Variants in GRM8 observed in about 807,000 individuals in gnomAD.
GRM8 encodes glutamate metabotropic receptor 8, also known as metabotropic glutamate receptor 8.
In GRM8, 47 loss-of-function variants were observed where a neutral mutation model predicts 87.2. That is an observed-to-expected ratio of 0.54 (90% CI 0.43 to 0.69). GRM8 has a LOEUF of 0.69. GRM8 is among the 30% of genes least tolerant of loss of function. The probability of loss-of-function intolerance (pLI) is 0.00; values close to 1 mark genes in which losing one functional copy is unlikely to be tolerated. For missense variants in GRM8, 1,019 were observed against 1,139.2 expected (o/e 0.89, Z 1.52); for synonymous variants, 396 against 404.5 (o/e 0.98, Z 0.25).
intron 8 of GRM8, among the ~76,000 whole-genome samples, chr7:126,542,168 C>T (rs1816613157): frequency 6.6e-6 from 1 of 152,152 alleles, no homozygotes; most frequent in Non-Finnish European, 1.5e-5. Flanking sequence ...AAATAAATTT[C>T]TGTTATTTAA....
chr7:126,861,878 C>A (rs1357583197), intron 6 of GRM8, among the ~76,000 whole-genome samples: 1 of 151,676 alleles, frequency 6.6e-6, no homozygotes, highest in African/African-American at 2.4e-5. Context: ...CTGTAACTGG[C>A]CTTTTAGCTT....
In GRM8 at chr7:127,140,711, A is replaced by G. The variant is rs996238241; in HGVS notation, c.511-33999T>C. Among the ~76,000 whole-genome samples the G allele has an allele frequency of 3.4e-4, 52 of 152,084 alleles. 1 individual carries two copies. The highest frequency in any genetic ancestry group is 1.2e-3 in the African/African-American group (51 of 41,374). On this transcript the variant is annotated intron_variant, in intron 2 of 10. Transcript: ENST00000339582. Reference sequence around the variant, plus strand: ...GGGTCACCTCCAATTTTGTCTCTCAAGAACTGATCTTGATTTGGCAAGGAG... The same window carrying G: ...GGGTCACCTCCAATTTTGTCTCTCAGGAACTGATCTTGATTTGGCAAGGAG...
At chr7:126,866,880 G>A (rs996184353) in intron 6 of GRM8, among the ~76,000 whole-genome samples, 59 of 152,036 alleles carry the variant, frequency 3.9e-4, no homozygotes, top group African/African-American at 9.6e-5. Context: ...GTGAGCTACC[G>A]CGCCCTGCCT....
intron 2 of GRM8, among the ~76,000 whole-genome samples, chr7:127,108,443 G>C (rs1446578740): frequency 1.3e-5 from 2 of 152,106 alleles, no homozygotes; most frequent in East Asian, 3.8e-4. Flanking sequence ...TGCGAGTAGG[G>C]GTTGTGTGGG....
At chr7:126,948,158 A>C (rs1202691154) in intron 3 of GRM8, among the ~76,000 whole-genome samples, 1 of 152,154 alleles carries the variant, frequency 6.6e-6, no homozygotes, top group Non-Finnish European at 1.5e-5. Flanking sequence ...AAAAAATAAG[A>C]GAAACACTAT....
At chr7:126,553,182 A>G (rs1300594827) in intron 8 of GRM8, among the ~76,000 whole-genome samples, 1 of 152,158 alleles carries the variant, frequency 6.6e-6, no homozygotes, top group Non-Finnish European at 1.5e-5. Flanking sequence ...TCCTGCTTAA[A>G]TTGGATAGAG....
chr7:126,928,399 T>C (rs984436939), intron 3 of GRM8, among the ~76,000 whole-genome samples: 25 of 152,126 alleles, frequency 1.6e-4, no homozygotes, highest in Admixed American at 6.6e-5. Context: ...TGCCCAGGCA[T>C]GGTAACTCAC....
At chr7:127,233,507 A>T (rs1797814974) in intron 2 of GRM8, among the ~76,000 whole-genome samples, 1 of 152,172 alleles carries the variant, frequency 6.6e-6, no homozygotes, top group Non-Finnish European at 1.5e-5. Context: ...AACATAAAGA[A>T]ATAGTACAAG....
intron 3 of GRM8, among the ~76,000 whole-genome samples, chr7:127,078,299 G>GTTTT (rs1822497097): frequency 6.6e-6 from 1 of 152,012 alleles, no homozygotes; most frequent in Non-Finnish European, 1.5e-5. Context: ...ACACACCACC[G>GTTTT]TCCTACCATC....
chr7:126,446,001 G>A (rs1245205282), intron 10 of GRM8, 125 bp downstream of exon 10: 14 of 1,091,318 alleles, frequency 1.3e-5, no homozygotes, highest in Non-Finnish European at 1.8e-5. Flanking sequence ...GTCACGGTAT[G>A]TGAGTACCAT....
At chr7:126,697,886 C>T (rs1000853560) in intron 7 of GRM8, among the ~76,000 whole-genome samples, 1 of 152,116 alleles carries the variant, frequency 6.6e-6, no homozygotes, top group African/African-American at 2.4e-5. Context: ...GGCTGGAACC[C>T]CAAGTTCACT....
chr7:127,166,640 A>C (rs1198113215), intron 2 of GRM8, among the ~76,000 whole-genome samples: 1 of 152,190 alleles, frequency 6.6e-6, no homozygotes. Flanking sequence ...TGTTTTAAAT[A>C]TTAAAACAAA....
intron 3 of GRM8, among the ~76,000 whole-genome samples, chr7:126,945,592 C>T (rs565573125): frequency 1.2e-3 from 179 of 152,246 alleles, no homozygotes; most frequent in African/African-American, 4.2e-3. Flanking sequence ...ATAAGGTGGA[C>T]ATGAAACAAA....
At chr7:127,046,971 A>G (rs17867742) in intron 3 of GRM8, among the ~76,000 whole-genome samples, 8,482 of 152,270 alleles carry the variant, frequency 0.056, 281 homozygotes, top group South Asian at 0.13. Flanking sequence ...TTGCATTCCT[A>G]GTTTGGTGTG....
intron 9 of GRM8, among the ~76,000 whole-genome samples, chr7:126,525,598 T>C (rs1345028647): frequency 6.6e-6 from 1 of 152,230 alleles, no homozygotes; most frequent in Non-Finnish European, 1.5e-5. Context: ...GGGACTTTTA[T>C]AGTAAGAACC....
At chr7:127,183,444 C>T (rs1051421774) in intron 2 of GRM8, among the ~76,000 whole-genome samples, 1 of 151,560 alleles carries the variant, frequency 6.6e-6, no homozygotes, top group African/African-American at 2.4e-5. Context: ...TTCTAAATAA[C>T]ACATGGAATC....
intron 7 of GRM8, among the ~76,000 whole-genome samples, chr7:126,634,736 T>C (rs1200150824): frequency 1.3e-5 from 2 of 152,156 alleles, no homozygotes; most frequent in African/African-American, 4.8e-5. Context: ...TTACTAATAT[T>C]ATCAAATGAT....
At chr7:126,488,239 T>C (rs1279156042) in intron 9 of GRM8, among the ~76,000 whole-genome samples, 2 of 152,042 alleles carry the variant, frequency 1.3e-5, no homozygotes, top group South Asian at 4.1e-4. Flanking sequence ...ACTGTTTTGG[T>C]GGTAGTGCCA....
chr7:126,871,564 C>T (rs567454392), intron 6 of GRM8, among the ~76,000 whole-genome samples: 1 of 152,132 alleles, frequency 6.6e-6, no homozygotes, highest in African/African-American at 2.4e-5. Flanking sequence ...GAAAAGGCTC[C>T]ATGCCAGTCA....
Sources: allele counts gnomAD v4.1 joint callset (sites outside exome capture counted in the v4.1 genomes callset), GRCh38; gene constraint gnomAD v4.1.1; transcripts MANE v1.5; gene names NCBI Gene and HGNC (gene_info 2026-07-23, HGNC 2026-07-21).